XRCC6: variants seen among roughly 807,000 people sequenced by gnomAD.
XRCC6 encodes the protein DNA repair protein Ku70.
Under a neutral mutation model 65.7 loss-of-function variants are expected in XRCC6, and 5 were observed. The ratio of observed to expected loss-of-function variants is 0.08; its 90% CI spans 0.04 to 0.16. XRCC6 has a LOEUF of 0.16. Among genes scored for constraint, XRCC6 ranks in the 10% least tolerant of loss-of-function variants. The pLI is 1.00. For missense variants in XRCC6, 447 were observed against 738.1 expected, an observed-to-expected ratio of 0.61 and a Z score of 4.57; for synonymous variants, 270 against 270.6, an observed-to-expected ratio of 1.00 and a Z score of 0.02.
chr22:41,639,693 TGCTC>T (rs1555905150), intron 6 of XRCC6, among the ~76,000 whole-genome samples: 4 of 86,824 alleles, frequency 4.6e-5, no homozygotes, highest in South Asian at 3.3e-4. Context: ...GATGGAGTCT[TGCTC>T]TTTTGGCCGG....
intron 6 of XRCC6, among the ~76,000 whole-genome samples, 172 bp downstream of exon 6, chr22:41,637,963 A>AG: frequency 1.7e-4 from 1 of 5,782 alleles, no homozygotes; most frequent in Non-Finnish European, 4.4e-4. Context: ...CTCTCTACCT[A>AG]AAAAAAAAAA....
At chr22:41,639,185 G>A (rs945229752) in intron 6 of XRCC6, among the ~76,000 whole-genome samples, 7 of 152,124 alleles carry the variant, frequency 4.6e-5, no homozygotes, top group African/African-American at 1.7e-4. Flanking sequence ...TTAGGTTACT[G>A]TGAAGAGTTA....
chr22:41,643,972 G>A (rs1160461071), intron 6 of XRCC6, among the ~76,000 whole-genome samples: 1 of 136,634 alleles, frequency 7.3e-6, no homozygotes, highest in African/African-American at 3.0e-5. Flanking sequence ...GCGACAGAGT[G>A]AGACTCCATC....
chr22:41,654,550 C>T (rs2068027899), intron 9 of XRCC6, among the ~76,000 whole-genome samples: 1 of 152,220 alleles, frequency 6.6e-6, no homozygotes, highest in Admixed American at 6.5e-5. Flanking sequence ...TCAGCATTGT[C>T]AGCAAAGGCT....
At chr22:41,659,993 A>G (rs139602773) in intron 11 of XRCC6, among the ~76,000 whole-genome samples, 222 of 152,288 alleles carry the variant, frequency 1.5e-3, no homozygotes, top group African/African-American at 5.2e-3. Context: ...GCTTCTCTGT[A>G]CTTTTAAAAC....
chr22:41,648,725 C>G (rs1380355365), intron 7 of XRCC6, among the ~76,000 whole-genome samples: 1 of 152,100 alleles, frequency 6.6e-6, no homozygotes, highest in Non-Finnish European at 1.5e-5. Flanking sequence ...TATTTTGATT[C>G]AAGCCAGAGA....
intron 6 of XRCC6, among the ~76,000 whole-genome samples, chr22:41,641,574 C>T (rs932812609): frequency 2.0e-5 from 3 of 152,072 alleles, no homozygotes; most frequent in African/African-American, 7.2e-5. Flanking sequence ...ATTTTTTGTA[C>T]TCATTAACCA....
At chr22:41,646,506 C>G (rs1045028768) in intron 6 of XRCC6, among the ~76,000 whole-genome samples, 2 of 152,058 alleles carry the variant, frequency 1.3e-5, no homozygotes, top group Admixed American at 6.6e-5. Context: ...GAGCACCGAC[C>G]TAATGTTCAA....
Position 41,658,336 on chromosome 22 carries a change from A to G in XRCC6, c.1506A>G (p.Gln502=). 2 of 1,614,188 alleles carry G rather than the reference A, an allele frequency of 1.2e-6. No individual in the cohort carries two copies. Among genetic ancestry groups the G allele is most frequent in the South Asian group, 2.2e-5 (2 of 91,084 alleles). The stretch of plus-strand genomic sequence containing the variant: ...CCTTGGATTTGATGGAGCCGGAACA[A>G]GCAGTGGACCTGACATGTAAGGAGG... The part of the protein sequence containing the change: ...ALALDLMEPE[Q]AVDLTLPKVE... The change falls in exon 11 of 13, where the codon CAA becomes CAG. Residue 502 remains glutamine (Q), a synonymous_variant. Transcript: ENST00000360079.
At chr22:41,626,475 G>A (rs1434572782) in intron 2 of XRCC6, among the ~76,000 whole-genome samples, 1 of 151,380 alleles carries the variant, frequency 6.6e-6, no homozygotes, top group Non-Finnish European at 1.5e-5. Flanking sequence ...ATTTTTTTGA[G>A]ACAGAGTCTT....
At chr22:41,630,889 G>A (rs1305138066) in intron 3 of XRCC6, among the ~76,000 whole-genome samples, 2 of 152,294 alleles carry the variant, frequency 1.3e-5, no homozygotes, top group East Asian at 3.9e-4. Context: ...GCAACCATCC[G>A]ATTTCTCAAT....
chr22:41,651,984 A>T (rs543885094), intron 8 of XRCC6, among the ~76,000 whole-genome samples: 2 of 152,006 alleles, frequency 1.3e-5, no homozygotes, highest in Admixed American at 6.6e-5. Flanking sequence ...GGGTTTCACC[A>T]TGTTGGCCAG....
At chr22:41,646,302 C>T (rs1426250318) in intron 6 of XRCC6, among the ~76,000 whole-genome samples, 4 of 146,522 alleles carry the variant, frequency 2.7e-5, no homozygotes, top group Admixed American at 1.4e-4. Flanking sequence ...GACTCTGTCT[C>T]GAAAAAAAAA....
chr22:41,623,259 T>C (rs2067630929), intron 2 of XRCC6, among the ~76,000 whole-genome samples: 2 of 152,146 alleles, frequency 1.3e-5, no homozygotes, highest in Admixed American at 1.3e-4. Flanking sequence ...TAATTTTTTG[T>C]AGAGACAGGA....
At chr22:41,655,469 A>T (rs1372794551) in intron 9 of XRCC6, among the ~76,000 whole-genome samples, 1 of 151,390 alleles carries the variant, frequency 6.6e-6, no homozygotes, top group East Asian at 2.0e-4. Context: ...GCACTTTGGG[A>T]TGCCAAGGTG....
At chr22:41,644,322 A>G (rs933477231) in intron 6 of XRCC6, among the ~76,000 whole-genome samples, 5 of 152,086 alleles carry the variant, frequency 3.3e-5, no homozygotes, top group South Asian at 2.1e-4. Context: ...TTTTCCATGT[A>G]CTGAGACTTG....
chr22:41,631,972 A>G lies in XRCC6; in HGVS notation c.195+3742A>G, dbSNP rs1601532218. 2.0e-5 allele frequency among the ~76,000 whole-genome samples: 3 copies of G among 152,154 alleles called. No homozygotes were observed. In the East Asian group the frequency reaches 5.8e-4, roughly 29 times the overall value. Reference sequence around the variant, plus strand: ...GAAACCCCGTCTCCACCAAAAAAATACGAAAACCAGTCAGGCGTGGCGGCA... The same window carrying G: ...GAAACCCCGTCTCCACCAAAAAAATGCGAAAACCAGTCAGGCGTGGCGGCA... On this transcript the variant is annotated intron_variant, in intron 3 of 12. Transcript: ENST00000360079.
chr22:41,647,185 ACCT>A lies in XRCC6; in HGVS notation c.960+107_960+109del. The stretch of plus-strand genomic sequence containing the variant: ...GCGAACATGACTCGCTACAGCCTTG[ACCT>A]CCTGGACTCAAGCGATCCTTCTGTC... On this transcript the variant is annotated intron_variant, in intron 7 of 12. Coordinates refer to ENST00000360079, the MANE Select transcript of XRCC6 (RefSeq NM_001469.5). 2.4e-6 allele frequency: 3 copies of A among 1,234,064 alleles called. No individual in the cohort carries two copies. The East Asian group carries it at 7.1e-5, about 29-fold the overall frequency. The allele number at this position is 1,234,064 out of a possible 1,614,324, so 76.4% of individuals were successfully genotyped here. A position where few individuals can be genotyped will look rare whatever the true frequency, so the allele number is the denominator to read the frequency against.
At chr22:41,653,428 A>G in intron 8 of XRCC6, 101 bp from the exon 9 acceptor site, 1 of 1,116,384 alleles carries the variant, frequency 9.0e-7, no homozygotes, top group East Asian at 2.4e-5. Context: ...TAAAATTAAA[A>G]TAAGCCCTTT....
Sources: allele counts gnomAD v4.1 joint callset (sites outside exome capture counted in the v4.1 genomes callset), GRCh38; gene constraint gnomAD v4.1.1; transcripts MANE v1.5; gene names NCBI Gene and HGNC (gene_info 2026-07-23, HGNC 2026-07-21).